The following CAST variants were observed in gnomAD, a reference collection of about 807,000 sequenced individuals.
CAST encodes calpastatin, also known as MIR583 host.
In CAST, 76 loss-of-function variants were observed where a neutral mutation model predicts 119.6. That is an observed-to-expected ratio of 0.64 (90% CI 0.53 to 0.77). The LOEUF is 0.77. CAST is among the 30% of genes least tolerant of loss of function. The pLI is 0.00. For missense variants in CAST, 953 were observed against 946.5 expected (o/e 1.01, Z -0.09); for synonymous variants, 319 against 331.6 (o/e 0.96, Z 0.41).
At chr5:96,744,947 A>G (rs1763447793) in intron 16 of CAST, among the ~76,000 whole-genome samples, 2 of 152,212 alleles carry the variant, frequency 1.3e-5, no homozygotes, top group Admixed American at 1.3e-4. Flanking sequence ...TGCCTAGTCT[A>G]GTGCCATTTC....
chr5:96,622,857 CTTTTTT>C (rs5869727), intron 1 of CAST, among the ~76,000 whole-genome samples: 6 of 64,476 alleles, frequency 9.3e-5, no homozygotes, highest in Middle Eastern at 0.017. Context: ...TTATGGGACT[CTTTTTT>C]TTTTTTTTTT....
chr5:96,746,556 CCT>C, intron 17 of CAST, 131 bp downstream of exon 17: 1 of 716,250 alleles, frequency 1.4e-6, no homozygotes, highest in Non-Finnish European at 2.5e-6. Flanking sequence ...AAACCCTGAA[CCT>C]TTTTTTCTCT....
At chr5:96,581,964 C>T (rs2150189435) in intron 1 of CAST, among the ~76,000 whole-genome samples, 1 of 152,274 alleles carries the variant, frequency 6.6e-6, no homozygotes, top group African/African-American at 2.4e-5. Flanking sequence ...AACTGTAGCA[C>T]ATGCAATAAA....
chr5:96,329,094 A>G, the CAST span, among the ~76,000 whole-genome samples: 1 of 152,202 alleles, frequency 6.6e-6, no homozygotes, highest in Non-Finnish European at 1.5e-5. Flanking sequence ...TATTATTACT[A>G]TCTATCATCT....
chr5:96,269,140 T>C, the CAST span, among the ~76,000 whole-genome samples: 1 of 152,092 alleles, frequency 6.6e-6, no homozygotes, highest in Admixed American at 6.5e-5. Context: ...AATTAGCCAG[T>C]CTCAGGTAGT....
intron 1 of CAST, among the ~76,000 whole-genome samples, chr5:96,614,633 A>G (rs980417864): frequency 6.6e-6 from 1 of 152,230 alleles, no homozygotes; most frequent in South Asian, 2.1e-4. Flanking sequence ...ACAGAGTCCA[A>G]AGATTCAGAG....
the CAST span, among the ~76,000 whole-genome samples, chr5:96,120,393 G>A: frequency 7.9e-5 from 12 of 152,120 alleles, no homozygotes; most frequent in Admixed American, 7.2e-4. Flanking sequence ...ATATTGCCCT[G>A]TAAGTAATCC....
chr5:96,125,256 T>C, the CAST span, among the ~76,000 whole-genome samples: 1 of 152,202 alleles, frequency 6.6e-6, no homozygotes, highest in South Asian at 2.1e-4. Flanking sequence ...CTAAAGTCCC[T>C]GTAAATTTAA....
At chr5:96,754,618 A>T in intron 21 of CAST, 40 bp from the exon 22 acceptor site, 3 of 1,251,262 alleles carry the variant, frequency 2.4e-6, no homozygotes, top group Non-Finnish European at 3.5e-6. Flanking sequence ...ATGGAGAGAA[A>T]AAAACATGCT....
chr5:95,988,651 A>G, the CAST span, among the ~76,000 whole-genome samples: 1 of 152,208 alleles, frequency 6.6e-6, no homozygotes, highest in Admixed American at 6.5e-5. Flanking sequence ...AGTATTTGCT[A>G]TAGCTAACTG....
the CAST span, among the ~76,000 whole-genome samples, chr5:96,491,769 C>A: frequency 6.6e-6 from 1 of 152,086 alleles, no homozygotes; most frequent in Non-Finnish European, 1.5e-5. Flanking sequence ...TGTCTATCAA[C>A]AGTAGAATGA....
the CAST span, among the ~76,000 whole-genome samples, chr5:96,309,780 C>T: frequency 6.6e-6 from 1 of 152,252 alleles, no homozygotes; most frequent in Non-Finnish European, 1.5e-5. Flanking sequence ...CTGTGGGCTA[C>T]ACCCACTGTC....
the CAST span, among the ~76,000 whole-genome samples, chr5:96,311,622 T>C: frequency 6.6e-6 from 1 of 152,116 alleles, no homozygotes; most frequent in Non-Finnish European, 1.5e-5. Flanking sequence ...TGTTTAATCT[T>C]CTTGATGAAA....
the CAST span, chr5:96,394,902 C>T: frequency 6.2e-7 from 1 of 1,614,162 alleles, no homozygotes; most frequent in South Asian, 1.1e-5. Flanking sequence ...CCTCTTCTGT[C>T]ATTCTGAACA....
chr5:96,600,502 G>GAAAGAGAAGTGATGGGAATGAAGAACC (rs1747131263), intron 1 of CAST, among the ~76,000 whole-genome samples: 1 of 152,216 alleles, frequency 6.6e-6, no homozygotes, highest in Non-Finnish European at 1.5e-5. Flanking sequence ...CAGAAACGGA[G>GAAAGAGAAGTGATGGGAATGAAGAACC]AAAGAGAAGT....
At chr5:96,524,630 T>C (rs1745570439), upstream of CAST, among the ~76,000 whole-genome samples, 1 of 152,146 alleles carries the variant, frequency 6.6e-6, no homozygotes, top group Non-Finnish European at 1.5e-5. Flanking sequence ...AAGCTGCCTA[T>C]TTCTCAGAGA....
the CAST span, chr5:96,392,766 C>T: frequency 8.8e-6 from 5 of 566,964 alleles, no homozygotes; most frequent in South Asian, 1.0e-4. Context: ...CAAAACACTT[C>T]ACTTGTGCAG....
chr5:96,366,666 T>C, the CAST span, among the ~76,000 whole-genome samples: 1 of 152,088 alleles, frequency 6.6e-6, no homozygotes, highest in Non-Finnish European at 1.5e-5. Flanking sequence ...TGTGCCATGG[T>C]TTTCAGCTCC....
At chr5:96,010,758 G>A in the CAST span, among the ~76,000 whole-genome samples, 1 of 152,118 alleles carries the variant, frequency 6.6e-6, no homozygotes. Flanking sequence ...CCATTCATTT[G>A]TGTCATCTCT....
Sources: gnomAD v4.1 joint callset for allele counts (sites outside exome capture counted in the v4.1 genomes callset) on GRCh38, gnomAD v4.1.1 for gene constraint, MANE v1.5 for transcripts, NCBI Gene and HGNC (gene_info 2026-07-23, HGNC 2026-07-21) for gene names.